Variants in ASXL3 observed in about 807,000 individuals in gnomAD.
The protein encoded by ASXL3 is ASXL transcriptional regulator 3.
Under a neutral mutation model 170.6 loss-of-function variants are expected in ASXL3, and 34 were observed. That is an observed-to-expected ratio of 0.20 (90% confidence interval 0.15 to 0.27). The LOEUF (loss-of-function observed/expected upper bound fraction) is 0.27, where lower values mean the gene tolerates loss of function less well. ASXL3 is among the 10% of genes least tolerant of loss of function. The pLI, the probability that ASXL3 is intolerant of heterozygous loss-of-function variation, is 1.00. For synonymous variants in ASXL3, 1,002 were observed against 989.1 expected, an observed-to-expected ratio of 1.01 and a Z score of -0.24; for missense variants, 2,592 against 2,695.3, an observed-to-expected ratio of 0.96 and a Z score of 0.85.
At chr18:33,590,483 C>G (rs916864664) in intron 1 of ASXL3, among the ~76,000 whole-genome samples, 1 of 152,078 alleles carries the variant, frequency 6.6e-6, no homozygotes, top group Non-Finnish European at 1.5e-5. Context: ...GCTGGAAAAA[C>G]AAATTATAAA....
intron 8 of ASXL3, among the ~76,000 whole-genome samples, chr18:33,702,336 T>C (rs1194302468): frequency 1.3e-5 from 2 of 152,168 alleles, no homozygotes; most frequent in African/African-American, 4.8e-5. Flanking sequence ...TTATATCTTA[T>C]AGCATCCATA....
chr18:33,591,266 A>G (rs1182050166), intron 1 of ASXL3, among the ~76,000 whole-genome samples: 3 of 152,046 alleles, frequency 2.0e-5, no homozygotes, highest in Non-Finnish European at 4.4e-5. Context: ...AACACATTTT[A>G]CTTAGCTTTG....
chr18:33,736,461 T>C (rs1485760230), intron 10 of ASXL3, among the ~76,000 whole-genome samples: 2 of 152,130 alleles, frequency 1.3e-5, no homozygotes, highest in African/African-American at 4.8e-5. Context: ...GAACATTTCA[T>C]TGACTGCCCT....
intron 5 of ASXL3, among the ~76,000 whole-genome samples, chr18:33,665,998 G>A (rs538100185): frequency 3.0e-4 from 45 of 152,238 alleles, no homozygotes; most frequent in African/African-American, 1.1e-3. Context: ...ATACCTGGAA[G>A]CATTAAAGTT....
At chr18:33,651,107 C>G (rs1005296298) in intron 4 of ASXL3, among the ~76,000 whole-genome samples, 4 of 152,146 alleles carry the variant, frequency 2.6e-5, no homozygotes, top group African/African-American at 9.6e-5. Context: ...AGCCAGTCAT[C>G]ATTGGTACGG....
chr18:33,615,669 T>C (rs1188148709), intron 2 of ASXL3, among the ~76,000 whole-genome samples: 1 of 152,164 alleles, frequency 6.6e-6, no homozygotes, highest in Non-Finnish European at 1.5e-5. Flanking sequence ...AGAGACTGTA[T>C]CACACATATT....
In ASXL3 at chr18:33,740,139, A is replaced by T. The variant is rs372823990; in HGVS notation, c.2735A>T (p.Asp912Val). ...LQDKQYISSVDKAPFSEGSRN... is the reference protein window; with the variant it reads ...LQDKQYISSVVKAPFSEGSRN... ...GACAAGCAATATATCTCATCAGTGG[A>T]TAAGGCTCCATTTTCAGAAGGCTCT... The change falls in exon 11 of 12, where the codon GAT (aspartate) becomes GTT (valine). Residue 912 changes from aspartate (D) to valine (V), a missense_variant. By Grantham distance (152) the Asp-to-Val change is radical (BLOSUM62 -3). Transcript: ENST00000269197. The T allele has an allele frequency of 6.2e-7, 1 of 1,613,960 alleles. No individual in the cohort carries two copies.
intron 8 of ASXL3, among the ~76,000 whole-genome samples, chr18:33,688,594 G>A (rs1397809594): frequency 6.6e-6 from 1 of 152,124 alleles, no homozygotes; most frequent in Non-Finnish European, 1.5e-5. Context: ...AAGAGGATGG[G>A]AAAGAGACAG....
chr18:33,640,528 C>T (rs2065829608), intron 2 of ASXL3, among the ~76,000 whole-genome samples: 1 of 151,980 alleles, frequency 6.6e-6, no homozygotes, highest in African/African-American at 2.4e-5. Context: ...ATAAATAAAT[C>T]TAAGTGTACA....
At chr18:33,588,602 C>T (rs987845147) in intron 1 of ASXL3, among the ~76,000 whole-genome samples, 6 of 152,138 alleles carry the variant, frequency 3.9e-5, no homozygotes, top group African/African-American at 1.4e-4. Context: ...CATGAATAGT[C>T]TCGTAATTTG....
intron 2 of ASXL3, among the ~76,000 whole-genome samples, chr18:33,619,461 A>C (rs1341608736): frequency 6.7e-5 from 10 of 149,172 alleles, no homozygotes; most frequent in South Asian, 4.2e-4. Context: ...AAAAAAAAAA[A>C]CATTTCCACA....
At chr18:33,721,396 A>G (rs2067256927) in intron 8 of ASXL3, among the ~76,000 whole-genome samples, 1 of 152,092 alleles carries the variant, frequency 6.6e-6, no homozygotes, top group African/African-American at 2.4e-5. Flanking sequence ...ACACATATAT[A>G]TATGTATGTA....
At chr18:33,736,908 C>A (rs889306256) in intron 10 of ASXL3, among the ~76,000 whole-genome samples, 1 of 152,042 alleles carries the variant, frequency 6.6e-6, no homozygotes, top group Non-Finnish European at 1.5e-5. Flanking sequence ...TATACACTTA[C>A]CTATATGTAT....
chr18:33,729,428 T>G (rs551542529), intron 8 of ASXL3, among the ~76,000 whole-genome samples: 9 of 152,152 alleles, frequency 5.9e-5, no homozygotes, highest in Non-Finnish European at 1.3e-4. Flanking sequence ...TATAGACTTA[T>G]GTTGGAACTA....
chr18:33,586,713 A>T (rs2065037833), intron 1 of ASXL3, among the ~76,000 whole-genome samples: 2 of 152,082 alleles, frequency 1.3e-5, no homozygotes, highest in Non-Finnish European at 2.9e-5. Context: ...GTCTTCTCTG[A>T]TGAGGATGTC....
At chr18:33,710,513 C>T (rs2067040468) in intron 8 of ASXL3, among the ~76,000 whole-genome samples, 1 of 152,162 alleles carries the variant, frequency 6.6e-6, no homozygotes, top group African/African-American at 2.4e-5. Flanking sequence ...GCTTTCTGAA[C>T]TTGTTCTTCT....
chr18:33,602,800 G>T (rs957703385), intron 1 of ASXL3, among the ~76,000 whole-genome samples: 2 of 149,152 alleles, frequency 1.3e-5, no homozygotes, highest in Admixed American at 6.7e-5. Context: ...GAGTTGTTTT[G>T]AGGATCAAAT....
chr18:33,740,475 G>A (rs774979517), intron 11 of ASXL3, 32 bp downstream of exon 11: 10 of 1,481,978 alleles, frequency 6.7e-6, no homozygotes, highest in East Asian at 4.6e-5. Context: ...AGGCAATTCC[G>A]TAGATAGGCT....
rs532781057 is a variant in ASXL3 at position 33,611,328 on chromosome 18, A to G, written c.137+3652A>G. Among the ~76,000 whole-genome samples, 4 of 152,220 alleles carry G rather than the reference A, an allele frequency of 2.6e-5. No individual in the cohort carries two copies. In the South Asian group the frequency reaches 8.3e-4, roughly 32 times the overall value. ...TGTGGTTTTGTTGAAAAAAAATAAT[A>G]GAATGATTTTTTAAGATCTGGTTTT... On this transcript the variant is annotated intron_variant, in intron 2 of 11. Coordinates refer to ENST00000269197, the MANE Select transcript of ASXL3 (RefSeq NM_030632.3).
Sources: allele counts gnomAD v4.1 joint callset (sites outside exome capture counted in the v4.1 genomes callset), GRCh38; gene constraint gnomAD v4.1.1; transcripts MANE v1.5; gene names NCBI Gene and HGNC (gene_info 2026-07-23, HGNC 2026-07-21).